ADD1: variants seen among roughly 807,000 people sequenced by gnomAD.
The protein encoded by ADD1 is alpha-adducin.
In ADD1, 24 loss-of-function variants were observed where a neutral mutation model predicts 80.5. The observed-to-expected ratio is 0.30, with a 90% CI of 0.22 to 0.42. The LOEUF (loss-of-function observed/expected upper bound fraction) is 0.42. ADD1 is among the 10% of genes least tolerant of loss of function. ADD1 has a pLI of 1.00. For missense variants in ADD1, 948 were observed against 1,019.0 expected (o/e 0.93, Z 0.95); for synonymous variants, 373 against 393.8 (o/e 0.95, Z 0.63).
At chr4:2,850,113 T>C (rs1390076330) in intron 1 of ADD1, among the ~76,000 whole-genome samples, 1 of 152,176 alleles carries the variant, frequency 6.6e-6, no homozygotes, top group Non-Finnish European at 1.5e-5. Context: ...GTTCATACGA[T>C]GGAATAGTAG....
At chr4:2,895,627 G>T (rs1735065128) in intron 6 of ADD1, among the ~76,000 whole-genome samples, 1 of 152,168 alleles carries the variant, frequency 6.6e-6, no homozygotes, top group African/African-American at 2.4e-5. Flanking sequence ...CACAGGCAGT[G>T]CAGGCTGTTA....
At chr4:2,852,194 C>CTT (rs1204770673) in intron 1 of ADD1, among the ~76,000 whole-genome samples, 2 of 63,800 alleles carry the variant, frequency 3.1e-5, no homozygotes, top group African/African-American at 4.8e-5. Context: ...TTCTTTCTTT[C>CTT]TTTCCTTTCT....
At chr4:2,860,047 T>C (rs1728631374) in intron 1 of ADD1, among the ~76,000 whole-genome samples, 3 of 152,140 alleles carry the variant, frequency 2.0e-5, no homozygotes, top group South Asian at 4.1e-4. Context: ...GAGTTTTCTA[T>C]ACTGATGTGT....
rs763746024 is a variant in ADD1 at position 2,914,910 on chromosome 4, C to T, written c.1818C>T (p.Ala606=). 4 of 1,613,322 alleles carry T rather than the reference C, an allele frequency of 2.5e-6. No homozygotes were observed. The highest frequency in any genetic ancestry group is 2.5e-6 in the Non-Finnish European group (3 of 1,179,638). ...GAGAGCTGGTGACGGCCTCCAAGGC[C>T]ATCATTGAAAAGGAGTACCAGCCCC... ...RKGELVTASK[A]IIEKEYQPHV... Residue 606 remains alanine (A), a synonymous_variant, in exon 14 of 16, where the codon GCC becomes GCT. Coordinates refer to ENST00000683351, the MANE Select transcript of ADD1 (RefSeq NM_001354761.2).
intron 1 of ADD1, among the ~76,000 whole-genome samples, chr4:2,871,014 GT>G (rs1189030621): frequency 2.0e-5 from 3 of 151,042 alleles, no homozygotes; most frequent in Non-Finnish European, 4.4e-5. Flanking sequence ...TGTCACCCAG[GT>G]TGGAGTGCAG....
At chr4:2,881,857 G>C (rs752128069) in intron 2 of ADD1, 41 bp from the exon 3 acceptor site, 2 of 1,548,356 alleles carry the variant, frequency 1.3e-6, no homozygotes, top group Non-Finnish European at 1.7e-6. Flanking sequence ...CCAAGGAACA[G>C]AAAATAAATG....
chr4:2,892,702 A>T (rs1447636968), intron 4 of ADD1, among the ~76,000 whole-genome samples: 15 of 151,922 alleles, frequency 9.9e-5, no homozygotes, highest in Admixed American at 9.8e-4. Context: ...AGGCTTAATG[A>T]CTTGTGCCTG....
intron 13 of ADD1, among the ~76,000 whole-genome samples, chr4:2,910,135 T>G (rs1205672522): frequency 1.3e-5 from 2 of 149,196 alleles, no homozygotes; most frequent in Non-Finnish European, 3.0e-5. Context: ...AAATCCTCCC[T>G]AAGAATCTAG....
At chr4:2,868,456 A>G (rs143357959) in intron 1 of ADD1, among the ~76,000 whole-genome samples, 44 of 152,252 alleles carry the variant, frequency 2.9e-4, no homozygotes, top group African/African-American at 9.6e-4. Flanking sequence ...TCTGTTTACA[A>G]TCTTGTTACT....
intron 1 of ADD1, among the ~76,000 whole-genome samples, chr4:2,846,338 A>G (rs1052167708): frequency 6.6e-6 from 1 of 152,196 alleles, no homozygotes; most frequent in African/African-American, 2.4e-5. Context: ...CACAGAATTT[A>G]CTGAAAACTG....
intron 14 of ADD1, among the ~76,000 whole-genome samples, chr4:2,918,541 T>C (rs759331550): frequency 6.6e-6 from 1 of 152,176 alleles, no homozygotes; most frequent in African/African-American, 2.4e-5. Context: ...CCAGAACTTC[T>C]AATAGTATGT....
At chr4:2,852,699 T>TTG (rs1727487458) in intron 1 of ADD1, among the ~76,000 whole-genome samples, 1 of 145,948 alleles carries the variant, frequency 6.9e-6, no homozygotes, top group Non-Finnish European at 1.5e-5. Flanking sequence ...GAAATATCTT[T>TTG]TTTTTTTTTT....
chr4:2,890,792 T>C (rs1734184238), intron 4 of ADD1, among the ~76,000 whole-genome samples: 1 of 152,182 alleles, frequency 6.6e-6, no homozygotes, highest in South Asian at 2.1e-4. Context: ...TTATATCTTG[T>C]AAATACCCTT....
intron 1 of ADD1, among the ~76,000 whole-genome samples, chr4:2,851,916 A>T (rs1244854135): frequency 6.6e-6 from 1 of 151,314 alleles, no homozygotes; most frequent in African/African-American, 2.4e-5. Flanking sequence ...ATCTCGGCTC[A>T]CCGCAACCTC....
At chr4:2,916,162 ATATTATTATTATTATTAT>A (rs71662749) in intron 14 of ADD1, among the ~76,000 whole-genome samples, 25,906 of 141,016 alleles carry the variant, frequency 0.18, 2,671 homozygotes, top group Middle Eastern at 0.23. Flanking sequence ...GCCAGCATGC[ATATTATTATTATTATTAT>A]TATTATTATT....
intron 13 of ADD1, among the ~76,000 whole-genome samples, 157 bp downstream of exon 13, chr4:2,909,588 C>T (rs12623): frequency 0.26 from 38,326 of 150,240 alleles, 5,174 homozygotes; most frequent in Middle Eastern, 0.29. Context: ...TTCTGTTCTA[C>T]CTACTTGATT....
At chr4:2,901,856 C>CA (rs1553845593) in intron 9 of ADD1, 1 of 149,524 alleles carries the variant, frequency 6.7e-6, no homozygotes, top group Non-Finnish European at 1.5e-5. Context: ...TTGTCCCCCC[C>CA]CCAAAAAAAA....
At chr4:2,893,725 A>G (rs945992296) in intron 4 of ADD1, among the ~76,000 whole-genome samples, 1 of 152,158 alleles carries the variant, frequency 6.6e-6, no homozygotes, top group Non-Finnish European at 1.5e-5. Context: ...AGAGTAACCC[A>G]GCAGTAATTT....
chr4:2,894,583 T>C lies in ADD1; in HGVS notation c.593T>C (p.Val198Ala). ...ACATTTTTATTTTTTTATTTTCAGG[T>C]TAAGATCAATCTACAAGGAGATATA... is the stretch of plus-strand genomic sequence containing the variant. ...LYSEVTASSL[V>A]KINLQGDIVD... Residue 198 changes from valine to alanine, a missense_variant and splice_region_variant, in exon 6 of 16, where the codon GTT becomes GCT. Val to Ala is a moderately conservative substitution (Grantham distance 64). Transcript: ENST00000683351. The C allele has an allele frequency of 6.3e-7, 1 of 1,593,436 alleles. No homozygotes were observed. Among genetic ancestry groups the C allele is most frequent in the Non-Finnish European group, 8.5e-7 (1 of 1,173,768 alleles).
Sources: gnomAD v4.1 joint callset for allele counts (sites outside exome capture counted in the v4.1 genomes callset) on GRCh38, gnomAD v4.1.1 for gene constraint, MANE v1.5 for transcripts, NCBI Gene and HGNC (gene_info 2026-07-23, HGNC 2026-07-21) for gene names.